STK32B: variants seen among roughly 807,000 people sequenced by gnomAD.
The protein encoded by STK32B is serine/threonine kinase 32B, also known as serine/threonine-protein kinase 32B.
STK32B carries 43 observed loss-of-function variants against 52.6 expected under a neutral mutation model. That is an observed-to-expected ratio of 0.82 (90% CI 0.64 to 1.05). The LOEUF is 1.05. Ranked by LOEUF, STK32B falls within the 50% of genes least tolerant of loss-of-function variation. STK32B has a pLI of 0.00. For missense variants in STK32B, 621 were observed against 534.6 expected (o/e 1.16, Z -1.59); for synonymous variants, 238 against 204.3 (o/e 1.17, Z -1.41).
intron 4 of STK32B, among the ~76,000 whole-genome samples, chr4:5,346,020 G>GT (rs1463598797): frequency 6.6e-6 from 1 of 152,160 alleles, no homozygotes; most frequent in African/African-American, 2.4e-5. Flanking sequence ...TGAAATGCTT[G>GT]TGGGTGTATG....
rs545094897 is a variant in STK32B at position 5,351,737 on chromosome 4, G to A, written c.434+20344G>A. Among the ~76,000 whole-genome samples the A allele has an allele frequency of 2.0e-5, 3 of 151,802 alleles. No individual in the cohort carries two copies. The South Asian group carries it at 6.2e-4, about 32-fold the overall frequency. ...GCTTGACTAAATAAGAAAAAAGAGA[G>A]AAACCCAAATAAAATCAGAAATGAC... On this transcript the variant is annotated intron_variant, in intron 4 of 11. Coordinates refer to ENST00000282908, the MANE Select transcript of STK32B (RefSeq NM_018401.3).
rs151274284 is a variant in STK32B, at chr4:5,203,595, G to A, written c.260+35145G>A. ...CTGTTTCTTATTGTGAGTTCCAAGAGGACATGTTCCTTTTACTCTGTTATG... is the reference window on the plus strand; with the variant it reads ...CTGTTTCTTATTGTGAGTTCCAAGAAGACATGTTCCTTTTACTCTGTTATG... On this transcript the variant is annotated intron_variant, in intron 3 of 11. Coordinates refer to ENST00000282908, the MANE Select transcript of STK32B (RefSeq NM_018401.3). Among the ~76,000 whole-genome samples, 412 of 152,244 alleles carry A rather than the reference G, an allele frequency of 2.7e-3. 13 individuals are homozygous for A. In the South Asian group the frequency reaches 0.04, roughly 15 times the overall value.
At chr4:5,144,783 C>CTCAT (rs71169681) in intron 2 of STK32B, among the ~76,000 whole-genome samples, 81 of 121,118 alleles carry the variant, frequency 6.7e-4, no homozygotes, top group African/African-American at 2.7e-3. Context: ...CACTCATTCA[C>CTCAT]TCATCCATCC....
intron 11 of STK32B, among the ~76,000 whole-genome samples, chr4:5,482,303 C>G (rs1393073763): frequency 6.6e-6 from 1 of 152,156 alleles, no homozygotes; most frequent in African/African-American, 2.4e-5. Flanking sequence ...TTCTTCACAT[C>G]CCTTGTAAGT....
At position 5,446,706 on chromosome 4, in the gene STK32B, G is replaced by A. The variant is rs909277107; in HGVS notation, c.596G>A (p.Gly199Asp). ...PEVFQVYMDR[G>D]PGYSYPVDWW... ...GTATTCCAGGTGTACATGGACAGAG[G>A]CCCCGGATACTCGTACCCTGTCGAC... Residue 199 changes from glycine to aspartate, a missense_variant, in exon 7 of 12, where the codon GGC becomes GAC. Transcript: ENST00000282908. 1.2e-6 allele frequency: 2 copies of A among 1,614,060 alleles called. No individual in the cohort carries two copies. Among genetic ancestry groups the A allele is most frequent in the South Asian group, 2.2e-5 (2 of 91,070 alleles).
At chr4:5,377,218 A>G (rs1025695004) in intron 4 of STK32B, among the ~76,000 whole-genome samples, 2 of 152,154 alleles carry the variant, frequency 1.3e-5, no homozygotes, top group African/African-American at 2.4e-5. Flanking sequence ...CAACGCTAAC[A>G]TTTCTCCATT....
chr4:5,485,345 C>T (rs2109209783), intron 11 of STK32B, among the ~76,000 whole-genome samples: 1 of 152,240 alleles, frequency 6.6e-6, no homozygotes, highest in African/African-American at 2.4e-5. Flanking sequence ...ATTTCATCTT[C>T]CATCACTGAT....
chr4:5,298,250 G>A (rs1577310494), intron 3 of STK32B, among the ~76,000 whole-genome samples: 1 of 152,210 alleles, frequency 6.6e-6, no homozygotes, highest in Non-Finnish European at 1.5e-5. Flanking sequence ...TCCCAGTCAG[G>A]AGGCACAGGG....
chr4:5,305,247 AGT>A (rs554910490), intron 3 of STK32B, among the ~76,000 whole-genome samples: 242 of 150,778 alleles, frequency 1.6e-3, no homozygotes, highest in Admixed American at 3.2e-3. Flanking sequence ...CTTTTGGAAT[AGT>A]GTCTCAGTAG....
At chr4:5,440,524 T>G (rs1714625362) in intron 6 of STK32B, among the ~76,000 whole-genome samples, 1 of 152,194 alleles carries the variant, frequency 6.6e-6, no homozygotes, top group South Asian at 2.1e-4. Context: ...TGGGGTTTTC[T>G]AGATATACAA....
At chr4:5,304,452 A>AT (rs1361019533) in intron 3 of STK32B, among the ~76,000 whole-genome samples, 1 of 151,092 alleles carries the variant, frequency 6.6e-6, no homozygotes, top group Non-Finnish European at 1.5e-5. Context: ...CTATTATAAA[A>AT]GGGATTGAGT....
intron 4 of STK32B, among the ~76,000 whole-genome samples, chr4:5,377,767 C>T (rs1735676121): frequency 6.6e-6 from 1 of 152,126 alleles, no homozygotes; most frequent in South Asian, 2.1e-4. Flanking sequence ...TCTCTCTTGC[C>T]AGCCACCATG....
chr4:5,333,325 G>A (rs1732403169), intron 4 of STK32B, among the ~76,000 whole-genome samples: 1 of 152,028 alleles, frequency 6.6e-6, no homozygotes, highest in African/African-American at 2.4e-5. Context: ...TTTTGATGGG[G>A]TTGTTTTTTT....
Position 5,460,115 on chromosome 4 carries a change from G to T in STK32B, c.796G>T (p.Asp266Tyr), listed in dbSNP as rs1483984721. ...VALLRKLLTK[D>Y]PESRVSSLHD... is the part of the protein sequence containing the mutation. ...CCTCTAACTGCAGCTCCTGACCAAG[G>T]ATCCTGAGAGCCGCGTGTCCAGCCT... The change falls in exon 9 of 12, where the codon GAT (aspartate) becomes TAT (tyrosine). Residue 266 changes from aspartate to tyrosine, a missense_variant. Asp to Tyr is a radical substitution (Grantham distance 160). Coordinates refer to ENST00000282908, the MANE Select transcript of STK32B (RefSeq NM_018401.3). The surrounding 1 kb of genome is among the most constrained non-coding windows in gnomAD (Gnocchi z 4.8). The T allele has an allele frequency of 6.2e-7, 1 of 1,614,088 alleles. No individual in the cohort carries two copies. The highest frequency in any genetic ancestry group is 8.5e-7 in the Non-Finnish European group (1 of 1,180,046).
intron 11 of STK32B, among the ~76,000 whole-genome samples, chr4:5,483,893 C>A (rs927316264): frequency 6.6e-6 from 1 of 152,038 alleles, no homozygotes; most frequent in Non-Finnish European, 1.5e-5. Flanking sequence ...TGTAGCTGAG[C>A]GGTTTTGAGT....
chr4:5,377,082 A>T (rs1324006286), intron 4 of STK32B, among the ~76,000 whole-genome samples: 1 of 152,142 alleles, frequency 6.6e-6, no homozygotes, highest in Non-Finnish European at 1.5e-5. Flanking sequence ...AGCTCTCTGC[A>T]CTTCATCCTG....
intron 3 of STK32B, among the ~76,000 whole-genome samples, chr4:5,176,416 G>C (rs1333657746): frequency 6.7e-6 from 1 of 149,552 alleles, no homozygotes; most frequent in Non-Finnish European, 1.5e-5. Flanking sequence ...GTAGACTGGA[G>C]CTGTTCCTAT....
At chr4:5,376,091 C>T (rs1735568036) in intron 4 of STK32B, among the ~76,000 whole-genome samples, 1 of 152,202 alleles carries the variant, frequency 6.6e-6, no homozygotes, top group Non-Finnish European at 1.5e-5. Flanking sequence ...GTGGTCCCCT[C>T]CCCTTCTAGG....
At chr4:5,056,569 G>A (rs1560129083) in intron 1 of STK32B, among the ~76,000 whole-genome samples, 1 of 152,344 alleles carries the variant, frequency 6.6e-6, no homozygotes, top group East Asian at 1.9e-4. Flanking sequence ...TCTCAGGCGG[G>A]CTCTCTCTTC....
Sources: allele counts gnomAD v4.1 joint callset (sites outside exome capture counted in the v4.1 genomes callset), GRCh38; gene constraint gnomAD v4.1.1; non-coding constraint Gnocchi (gnomAD v3.1); transcripts MANE v1.5; gene names NCBI Gene and HGNC (gene_info 2026-07-23, HGNC 2026-07-21).